The following ASIC2 variants were observed in gnomAD, a reference collection of about 807,000 sequenced individuals.
The protein encoded by ASIC2 is acid-sensing ion channel 2.
ASIC2 carries 25 observed loss-of-function variants against 57.3 expected under a neutral mutation model. The ratio of observed to expected loss-of-function variants is 0.44; its 90% CI spans 0.32 to 0.61. The LOEUF is 0.61. Among genes scored for constraint, ASIC2 ranks in the 20% least tolerant of loss-of-function variants. ASIC2 has a pLI of 0.06. For synonymous variants in ASIC2, 319 were observed against 307.5 expected (o/e 1.04, Z -0.39); for missense variants, 641 against 738.1 (o/e 0.87, Z 1.52).
At chr17:33,191,595 G>A (rs1337099594) in intron 1 of ASIC2, among the ~76,000 whole-genome samples, 2 of 151,808 alleles carry the variant, frequency 1.3e-5, no homozygotes, top group Non-Finnish European at 2.9e-5. Context: ...AGGACGAAGA[G>A]GAGAACAAGA....
At chr17:33,346,260 A>T (rs1487906412) in intron 1 of ASIC2, among the ~76,000 whole-genome samples, 1 of 147,362 alleles carries the variant, frequency 6.8e-6, no homozygotes, top group Admixed American at 6.8e-5. Flanking sequence ...AAAAAGAGAG[A>T]GAGAGAAAAG....
chr17:33,558,473 T>C (rs1330453128), intron 1 of ASIC2, among the ~76,000 whole-genome samples: 1 of 152,226 alleles, frequency 6.6e-6, no homozygotes, highest in Non-Finnish European at 1.5e-5. Context: ...TGGTGTTCTC[T>C]AATCTCCTCT....
At chr17:33,754,384 C>T (rs576966340) in intron 1 of ASIC2, among the ~76,000 whole-genome samples, 4 of 152,102 alleles carry the variant, frequency 2.6e-5, no homozygotes, top group East Asian at 1.9e-4. Flanking sequence ...ACAGACACTC[C>T]GATAAAGCTA....
chr17:33,504,308 T>A (rs1198974303), intron 1 of ASIC2, among the ~76,000 whole-genome samples: 1 of 152,216 alleles, frequency 6.6e-6, no homozygotes, highest in East Asian at 1.9e-4. Context: ...CTGGACACTT[T>A]ACTATTGACT....
At chr17:33,526,874 C>A (rs1371760190) in intron 1 of ASIC2, among the ~76,000 whole-genome samples, 1 of 152,170 alleles carries the variant, frequency 6.6e-6, no homozygotes, top group Non-Finnish European at 1.5e-5. Context: ...TGTAAGAATT[C>A]CTCATGGTCG....
chr17:33,128,459 G>A (rs898589638), intron 1 of ASIC2, among the ~76,000 whole-genome samples: 1 of 152,196 alleles, frequency 6.6e-6, no homozygotes, highest in Non-Finnish European at 1.5e-5. Flanking sequence ...TGGGGATGGA[G>A]ACTTGCATGC....
chr17:33,545,339 T>C (rs1196859989), intron 1 of ASIC2, among the ~76,000 whole-genome samples: 1 of 152,204 alleles, frequency 6.6e-6, no homozygotes, highest in African/African-American at 2.4e-5. Context: ...GATGACTTCC[T>C]TGTGACTTGC....
At chr17:33,023,737 G>T in intron 6 of ASIC2, 124 bp downstream of exon 6, 1 of 1,269,978 alleles carries the variant, frequency 7.9e-7, no homozygotes, top group Non-Finnish European at 1.1e-6. Context: ...ACACACAGAG[G>T]GTGTTCAACT....
At chr17:33,497,820 G>A (rs761991870) in intron 1 of ASIC2, among the ~76,000 whole-genome samples, 2 of 152,206 alleles carry the variant, frequency 1.3e-5, no homozygotes, top group Non-Finnish European at 2.9e-5. Context: ...GCTAGTCAGA[G>A]AAAGTCACTA....
chr17:33,655,952 G>A (rs534939897), intron 1 of ASIC2, among the ~76,000 whole-genome samples: 7 of 152,040 alleles, frequency 4.6e-5, no homozygotes, highest in Non-Finnish European at 1.0e-4. Flanking sequence ...TAACACTTCT[G>A]AGTTTTGGGG....
chr17:34,035,339 C>T (rs543552573), intron 1 of ASIC2, among the ~76,000 whole-genome samples: 1 of 145,166 alleles, frequency 6.9e-6, no homozygotes, highest in East Asian at 2.0e-4. Context: ...ATGTAGAAAG[C>T]TGAAACTGGA....
chr17:33,350,607 G>A (rs1023843860), intron 1 of ASIC2, among the ~76,000 whole-genome samples: 2 of 151,674 alleles, frequency 1.3e-5, no homozygotes, highest in African/African-American at 4.8e-5. Context: ...GCTTGAACCC[G>A]GGAAGCAGAG....
chr17:33,192,043 C>A (rs559479381), intron 1 of ASIC2, among the ~76,000 whole-genome samples: 1 of 152,092 alleles, frequency 6.6e-6, no homozygotes, highest in Non-Finnish European at 1.5e-5. Context: ...TTTCCTCTTT[C>A]TTCTCTCTCT....
intron 1 of ASIC2, among the ~76,000 whole-genome samples, chr17:33,872,700 A>T (rs1597910818): frequency 6.6e-6 from 1 of 152,270 alleles, no homozygotes; most frequent in Non-Finnish European, 1.5e-5. Flanking sequence ...TCGCTCACCC[A>T]GCAGTTCACC....
chr17:33,514,720 T>C lies in ASIC2; in HGVS notation c.556-402653A>G, dbSNP rs139199134. Among the ~76,000 whole-genome samples the C allele has an allele frequency of 6.3e-3, 955 of 152,312 alleles. 7 individuals carry two copies. The highest frequency in any genetic ancestry group is 0.011 in the Non-Finnish European group (739 of 68,024). On this transcript the variant is annotated intron_variant, in intron 1 of 9. Coordinates refer to the ASIC2 transcript ENST00000359872. ...TGACCGTGCTGCTAGGAACTAGGAT[T>C]CTAAAGTTTAAAAAGATCACGTGGT...
intron 1 of ASIC2, among the ~76,000 whole-genome samples, chr17:34,026,637 C>A (rs904522402): frequency 2.0e-5 from 3 of 152,168 alleles, no homozygotes; most frequent in African/African-American, 7.2e-5. Context: ...TAAAAACGTT[C>A]TTTCTGCTCT....
chr17:33,427,147 G>T (rs569199431), intron 1 of ASIC2, among the ~76,000 whole-genome samples: 1 of 152,152 alleles, frequency 6.6e-6, no homozygotes, highest in Non-Finnish European at 1.5e-5. Flanking sequence ...AGAAGGATTC[G>T]GGACTTACCC....
intron 1 of ASIC2, among the ~76,000 whole-genome samples, chr17:33,211,366 C>T (rs115647356): frequency 1.4e-3 from 214 of 152,090 alleles, no homozygotes; most frequent in African/African-American, 4.7e-3. Flanking sequence ...ATTTACATCA[C>T]GGAAATGGGC....
chr17:33,537,945 T>C (rs1915287380), intron 1 of ASIC2, among the ~76,000 whole-genome samples: 1 of 152,220 alleles, frequency 6.6e-6, no homozygotes, highest in Admixed American at 6.5e-5. Flanking sequence ...TCCCTATCTA[T>C]AACTTTTTCA....
Sources: allele counts gnomAD v4.1 joint callset (sites outside exome capture counted in the v4.1 genomes callset), GRCh38; gene constraint gnomAD v4.1.1; transcripts MANE v1.5; gene names NCBI Gene and HGNC (gene_info 2026-07-23, HGNC 2026-07-21).